The following NAA15 variants were observed in gnomAD, a reference collection of about 807,000 sequenced individuals.
NAA15 encodes N-alpha-acetyltransferase 15, NatA auxiliary subunit.
A neutral mutation model predicts 114.0 loss-of-function variants in NAA15; 34 were observed. The ratio of observed to expected loss-of-function variants is 0.30; its 90% CI spans 0.23 to 0.40. The LOEUF (loss-of-function observed/expected upper bound fraction) is 0.40. Ranked by LOEUF, NAA15 falls within the 10% of genes least tolerant of loss-of-function variation. The pLI is 1.00. For synonymous variants in NAA15, 340 were observed against 338.0 expected, an observed-to-expected ratio of 1.01 and a Z score of -0.06; for missense variants, 658 against 1,004.5, an observed-to-expected ratio of 0.66 and a Z score of 4.66.
At chr4:139,321,480 T>G (rs1310047577) in intron 1 of NAA15, among the ~76,000 whole-genome samples, 5 of 149,250 alleles carry the variant, frequency 3.4e-5, no homozygotes, top group Admixed American at 6.7e-5. Context: ...TGTTTTTTTT[T>G]TTTTTTTTTG....
chr4:139,341,842 C>T (rs1475420903), intron 4 of NAA15, among the ~76,000 whole-genome samples: 2 of 151,770 alleles, frequency 1.3e-5, no homozygotes, highest in Non-Finnish European at 2.9e-5. Context: ...ATGCCTCAGC[C>T]TCCTGAGTAG....
At chr4:139,335,204 A>C (rs1030395055) in intron 2 of NAA15, among the ~76,000 whole-genome samples, 6 of 152,152 alleles carry the variant, frequency 3.9e-5, no homozygotes, top group Non-Finnish European at 8.8e-5. Context: ...AAATAAATTT[A>C]TCTCTCTTTT....
intron 17 of NAA15, among the ~76,000 whole-genome samples, chr4:139,383,935 G>T (rs1359792885): frequency 1.3e-5 from 2 of 152,166 alleles, no homozygotes; most frequent in Non-Finnish European, 2.9e-5. Flanking sequence ...GATAGGGAGG[G>T]TGAGGAAAAT....
chr4:139,382,997 A>C (rs1748795276), intron 17 of NAA15, among the ~76,000 whole-genome samples: 1 of 152,214 alleles, frequency 6.6e-6, no homozygotes, highest in South Asian at 2.1e-4. Flanking sequence ...AGAAAAGATC[A>C]GCATATGTTG....
At chr4:139,384,648 G>C (rs1016003470) in intron 17 of NAA15, among the ~76,000 whole-genome samples, 184 bp from the exon 18 acceptor site, 1 of 151,606 alleles carries the variant, frequency 6.6e-6, no homozygotes, top group Non-Finnish European at 1.5e-5. Flanking sequence ...CCAGCTACCT[G>C]GGGGGCTGAA....
intron 3 of NAA15, among the ~76,000 whole-genome samples, chr4:139,338,920 C>T (rs1747287033): frequency 6.6e-6 from 1 of 152,154 alleles, no homozygotes; most frequent in Non-Finnish European, 1.5e-5. Context: ...AGGTAATACT[C>T]CTGTCTCAGC....
At chr4:139,380,595 A>G (rs75470338) in intron 17 of NAA15, among the ~76,000 whole-genome samples, 1,805 of 152,334 alleles carry the variant, frequency 0.012, 12 homozygotes, top group East Asian at 0.029. Context: ...ACATGGGCTT[A>G]GAATGATTAA....
At chr4:139,349,622 T>A (rs1294791176) in intron 7 of NAA15, 41 bp downstream of exon 7, 1 of 1,528,348 alleles carries the variant, frequency 6.5e-7, no homozygotes, top group Non-Finnish European at 8.8e-7. Context: ...TTGTTTCTTT[T>A]GTTAATATAT....
Position 139,335,397 on chromosome 4 carries a change from AT to A in NAA15, c.139+1141del, listed in dbSNP as rs150559603. ...TTCTTGTTTTTTGAGATAGAGTTTC[AT>A]TGTGTTGTCCAGGCTGGAGTGCAGT... On this transcript the variant is annotated intron_variant, in intron 2 of 19. Transcript: ENST00000296543. Among the ~76,000 whole-genome samples the A allele has an allele frequency of 8.5e-3, 1,294 of 152,026 alleles. 20 individuals carry two copies. The highest frequency in any genetic ancestry group is 0.03 in the African/African-American group (1,240 of 41,464).
chr4:139,336,700 A>G, intron 2 of NAA15, 148 bp from the exon 3 acceptor site: 1 of 413,530 alleles, frequency 2.4e-6, no homozygotes, highest in Non-Finnish European at 4.1e-6. Context: ...AATCTGCAAG[A>G]AAGTGGAAAG....
At chr4:139,318,130 T>C (rs1351224401) in intron 1 of NAA15, among the ~76,000 whole-genome samples, 1 of 152,220 alleles carries the variant, frequency 6.6e-6, no homozygotes, top group Non-Finnish European at 1.5e-5. Flanking sequence ...TAAAGACCAA[T>C]GACGCCCTAA....
At chr4:139,336,148 G>C (rs1747194270) in intron 2 of NAA15, among the ~76,000 whole-genome samples, 2 of 152,144 alleles carry the variant, frequency 1.3e-5, no homozygotes, top group African/African-American at 4.8e-5. Flanking sequence ...TCTCTCTAAA[G>C]TCTAAATTTT....
Position 139,327,465 on chromosome 4 carries a change from G to T in NAA15, c.55-6709G>T, listed in dbSNP as rs1271183319. 2.0e-5 allele frequency among the ~76,000 whole-genome samples: 3 copies of T among 152,142 alleles called. No individual in the cohort carries two copies. In the East Asian group the frequency reaches 5.8e-4, roughly 29 times the overall value. On this transcript the variant is annotated intron_variant, in intron 1 of 19. Coordinates refer to ENST00000296543, the MANE Select transcript of NAA15 (RefSeq NM_057175.5). ...AACGGGGTTTCACCATGTTGGCCAGGTTGGTCTCGAACTCTTGACCTTAGG... is the reference window on the plus strand; with the variant it reads ...AACGGGGTTTCACCATGTTGGCCAGTTTGGTCTCGAACTCTTGACCTTAGG...
intron 1 of NAA15, among the ~76,000 whole-genome samples, chr4:139,312,026 A>G (rs1746243226): frequency 6.6e-6 from 1 of 151,946 alleles, no homozygotes; most frequent in Non-Finnish European, 1.5e-5. Flanking sequence ...TGTTTTTCAG[A>G]AAATTTAAAA....
In NAA15 at chr4:139,380,381, C is replaced by T. The variant is rs536462737; in HGVS notation, c.2155+1527C>T. On this transcript the variant is annotated intron_variant, in intron 17 of 19. Transcript: ENST00000296543. ...ATGTATTTTCAAAATGAAGTATTTT[C>T]AAAAATAACATACACACTGTTATAT... 1.3e-4 allele frequency among the ~76,000 whole-genome samples: 19 copies of T among 151,842 alleles called. No individual in the cohort carries two copies. The South Asian group carries it at 3.7e-3, about 30-fold the overall frequency.
chr4:139,309,209 G>A (rs1006406021), intron 1 of NAA15, among the ~76,000 whole-genome samples: 4 of 151,248 alleles, frequency 2.6e-5, no homozygotes, highest in South Asian at 2.1e-4. Flanking sequence ...TTAGCTGGGC[G>A]TGGTTGCAGG....
At chr4:139,329,259 C>T (rs1171083495) in intron 1 of NAA15, among the ~76,000 whole-genome samples, 1 of 151,994 alleles carries the variant, frequency 6.6e-6, no homozygotes, top group East Asian at 1.9e-4. Flanking sequence ...ATTTGTTTAT[C>T]CATTGCTTAA....
chr4:139,318,679 C>T (rs1328132305), intron 1 of NAA15, among the ~76,000 whole-genome samples: 2 of 151,936 alleles, frequency 1.3e-5, no homozygotes, highest in African/African-American at 2.4e-5. Context: ...CACAGCGAAA[C>T]TCCGTCTCTA....
intron 14 of NAA15, among the ~76,000 whole-genome samples, chr4:139,364,808 T>C (rs918548437): frequency 3.9e-5 from 6 of 152,184 alleles, no homozygotes; most frequent in Non-Finnish European, 5.9e-5. Flanking sequence ...TTTCTGATAC[T>C]AGGTTGAATC....
Sources: allele counts gnomAD v4.1 joint callset (sites outside exome capture counted in the v4.1 genomes callset), GRCh38; gene constraint gnomAD v4.1.1; transcripts MANE v1.5; gene names NCBI Gene and HGNC (gene_info 2026-07-23, HGNC 2026-07-21).